Variants in LRPPRC observed in about 807,000 individuals in gnomAD.
The protein encoded by LRPPRC is leucine rich pentatricopeptide repeat containing.
LRPPRC carries 120 observed loss-of-function variants against 180.3 expected under a neutral mutation model. The observed-to-expected ratio is 0.67, with a 90% CI of 0.57 to 0.77. The LOEUF (loss-of-function observed/expected upper bound fraction) is 0.77, where lower values mean the gene tolerates loss of function less well. Among genes scored for constraint, LRPPRC ranks in the 30% least tolerant of loss-of-function variants. The pLI, the probability that LRPPRC is intolerant of heterozygous loss-of-function variation, is 0.00. For missense variants in LRPPRC, 2,012 were observed against 1,657.2 expected (o/e 1.21, Z -3.72); for synonymous variants, 723 against 600.0 (o/e 1.21, Z -3.00).
intron 11 of LRPPRC, among the ~76,000 whole-genome samples, chr2:43,964,851 C>A (rs928782698): frequency 6.6e-6 from 1 of 152,132 alleles, no homozygotes; most frequent in Admixed American, 6.5e-5. Flanking sequence ...TAAACCCACA[C>A]ACATATAATC....
chr2:43,894,594 A>T lies in LRPPRC; in HGVS notation c.3936T>A (p.Pro1312=). 1 of 1,583,402 alleles carries T rather than the reference A, an allele frequency of 6.3e-7. No individual in the cohort carries two copies. Among genetic ancestry groups the T allele is most frequent in the Non-Finnish European group, 8.7e-7 (1 of 1,152,356 alleles). Residue 1312 remains proline, a synonymous_variant, in exon 36 of 38, where the codon CCT becomes CCA. Coordinates refer to ENST00000260665, the MANE Select transcript of LRPPRC (RefSeq NM_133259.4). ...STVKSVLELI[P]ELNEKEEAYN... ...ATGCTTCTTCCTTTTCATTTAATTCAGGAATCAATTCTAACACAGATTTCA... is the reference window on the plus strand; with the variant it reads ...ATGCTTCTTCCTTTTCATTTAATTCTGGAATCAATTCTAACACAGATTTCA...
intron 11 of LRPPRC, among the ~76,000 whole-genome samples, chr2:43,964,734 T>C (rs1426868309): frequency 6.6e-6 from 1 of 152,178 alleles, no homozygotes; most frequent in Non-Finnish European, 1.5e-5. Flanking sequence ...ATTTAGGTTA[T>C]GAATCAGAAT....
intron 1 of LRPPRC, among the ~76,000 whole-genome samples, chr2:43,984,402 C>T (rs1436192689): frequency 1.3e-5 from 2 of 152,170 alleles, no homozygotes; most frequent in African/African-American, 2.4e-5. Context: ...AAATTTCAGG[C>T]AGAAAACATG....
intron 25 of LRPPRC, among the ~76,000 whole-genome samples, chr2:43,932,059 C>G (rs1400298340): frequency 7.8e-6 from 1 of 127,476 alleles, no homozygotes; most frequent in Non-Finnish European, 1.6e-5. Context: ...CCCAGGAGAT[C>G]AAGGCTGCAG....
chr2:43,888,252 C>T lies in LRPPRC; in HGVS notation c.*348G>A. 7.4e-6 allele frequency: 2 copies of T among 269,172 alleles called. No individual in the cohort carries two copies. Among genetic ancestry groups the T allele is most frequent in the Non-Finnish European group, 7.2e-6 (1 of 139,478 alleles). 16.7% of individuals were successfully genotyped at this position (269,172 alleles called of 1,614,324 possible). On this transcript the variant is annotated 3_prime_UTR_variant, in exon 38 of 38. Coordinates refer to ENST00000260665, the MANE Select transcript of LRPPRC (RefSeq NM_133259.4). ...CTAGCTCTAAAATTTTTCAGAGAAA[C>T]AGCAGACTAATAAGTGAATCTTAAA...
chr2:43,941,111 T>C (rs1166280840), intron 23 of LRPPRC, among the ~76,000 whole-genome samples: 3 of 152,210 alleles, frequency 2.0e-5, no homozygotes, highest in Non-Finnish European at 4.4e-5. Context: ...TGGATTTCCC[T>C]TGGCAAATGA....
chr2:43,956,196 C>A, intron 14 of LRPPRC, among the ~76,000 whole-genome samples: 1 of 152,030 alleles, frequency 6.6e-6, no homozygotes, highest in East Asian at 1.9e-4. Flanking sequence ...GGAAATTGTT[C>A]TGCATTAAGA....
At chr2:43,948,843 A>G (rs938251453) in intron 16 of LRPPRC, among the ~76,000 whole-genome samples, 4 of 152,102 alleles carry the variant, frequency 2.6e-5, no homozygotes, top group Non-Finnish European at 5.9e-5. Flanking sequence ...ATCACACGTA[A>G]TAAGAATAAA....
intron 11 of LRPPRC, among the ~76,000 whole-genome samples, chr2:43,967,785 G>A (rs986649638): frequency 2.0e-4 from 30 of 152,194 alleles, no homozygotes; most frequent in African/African-American, 7.2e-4. Flanking sequence ...GGTCCACACT[G>A]CACACAGAAG....
intron 30 of LRPPRC, among the ~76,000 whole-genome samples, chr2:43,911,523 C>CTTTTTTT (rs531172761): frequency 1.5e-4 from 14 of 92,348 alleles, no homozygotes; most frequent in Admixed American, 2.9e-4. Context: ...TCTTCTTCTT[C>CTTTTTTT]TTTTTTTTTT....
intron 11 of LRPPRC, among the ~76,000 whole-genome samples, chr2:43,971,802 C>A (rs1673828198): frequency 6.6e-6 from 1 of 151,996 alleles, no homozygotes; most frequent in Non-Finnish European, 1.5e-5. Flanking sequence ...ACAGCCATTT[C>A]TCTGTTATAT....
intron 23 of LRPPRC, among the ~76,000 whole-genome samples, chr2:43,937,006 A>AT (rs138330512): frequency 3.8e-4 from 58 of 151,672 alleles, no homozygotes; most frequent in African/African-American, 1.3e-3. Context: ...CACACATACG[A>AT]TTTTTTTTTA....
rs1173243443 is a variant in LRPPRC, at chr2:43,934,808, G to C, written c.2575C>G (p.His859Asp). ...TCTACCAGTTTACACAAGACATCAT[G>C]AATCCTTGGTAATACTTTATACTTT... The part of the protein sequence containing the change: ...YEKYKVLPRI[H>D]DVLCKLVEKG... Residue 859 changes from histidine to aspartate, a missense_variant, in exon 24 of 38, where the codon CAT (histidine) becomes GAT (aspartate). By Grantham distance (81) the His-to-Asp change is moderately conservative. Transcript: ENST00000260665. The C allele has an allele frequency of 2.5e-6, 4 of 1,610,458 alleles. No individual in the cohort carries two copies. The highest frequency in any genetic ancestry group is 3.4e-6 in the Non-Finnish European group (4 of 1,176,778).
At chr2:43,984,696 G>A (rs1296061070) in intron 1 of LRPPRC, among the ~76,000 whole-genome samples, 1 of 152,134 alleles carries the variant, frequency 6.6e-6, no homozygotes, top group Non-Finnish European at 1.5e-5. Flanking sequence ...TCACAGAAAA[G>A]AAAGAACAGA....
At chr2:43,901,184 A>G (rs1280420828) in intron 32 of LRPPRC, 136 bp downstream of exon 32, 5 of 687,570 alleles carry the variant, frequency 7.3e-6, no homozygotes, top group Admixed American at 2.2e-5. Flanking sequence ...TTATTCCCTA[A>G]TCAGCAACTA....
chr2:43,897,626 C>A (rs977680064), intron 34 of LRPPRC, among the ~76,000 whole-genome samples: 1 of 152,092 alleles, frequency 6.6e-6, no homozygotes, highest in African/African-American at 2.4e-5. Flanking sequence ...AAACCCCAGT[C>A]TAGTGATGAG....
chr2:43,940,509 G>C (rs1451705422), intron 23 of LRPPRC, among the ~76,000 whole-genome samples: 1 of 152,096 alleles, frequency 6.6e-6, no homozygotes, highest in East Asian at 1.9e-4. Flanking sequence ...TGAAGTTCAT[G>C]ACACACTTAA....
At chr2:43,912,941 C>T (rs1262676334) in intron 29 of LRPPRC, among the ~76,000 whole-genome samples, 2 of 151,872 alleles carry the variant, frequency 1.3e-5, no homozygotes, top group African/African-American at 4.8e-5. Flanking sequence ...CCAAATAAAC[C>T]AGAGGTATAA....
chr2:43,915,232 T>TCTCTCTCTCTCTCTCTCTCACACA (rs1174216406), intron 29 of LRPPRC, among the ~76,000 whole-genome samples: 2 of 51,836 alleles, frequency 3.9e-5, no homozygotes, highest in African/African-American at 8.6e-5. Flanking sequence ...TCTCTCTCTC[T>TCTCTCTCTCTCTCTCTCTCACACA]CACACACACA....
Sources: allele counts gnomAD v4.1 joint callset (sites outside exome capture counted in the v4.1 genomes callset), GRCh38; gene constraint gnomAD v4.1.1; transcripts MANE v1.5; gene names NCBI Gene and HGNC (gene_info 2026-07-23, HGNC 2026-07-21).